The following UBA2 variants were observed in gnomAD, a reference collection of about 807,000 sequenced individuals.
UBA2 encodes ubiquitin like modifier activating enzyme 2.
UBA2 carries 11 observed loss-of-function variants against 77.2 expected under a neutral mutation model. That is an observed-to-expected ratio of 0.14 (90% CI 0.09 to 0.24). The LOEUF is 0.24. Among genes scored for constraint, UBA2 ranks in the 10% least tolerant of loss-of-function variants. The probability of loss-of-function intolerance (pLI) is 1.00; values close to 1 mark genes in which losing one functional copy is unlikely to be tolerated. For missense variants in UBA2, 487 were observed against 781.7 expected (o/e 0.62, Z 4.50); for synonymous variants, 278 against 276.7 (o/e 1.00, Z -0.05).
chr19:34,457,214 A>ATATATATATATATATAT (rs2075578002), intron 12 of UBA2, among the ~76,000 whole-genome samples: 18 of 134,474 alleles, frequency 1.3e-4, no homozygotes, highest in South Asian at 5.0e-4. Context: ...ATATATATAT[A>ATATATATATATATATAT]AAATTAGCTG....
intron 4 of UBA2, among the ~76,000 whole-genome samples, chr19:34,434,281 T>A (rs2075286739): frequency 6.6e-6 from 1 of 152,064 alleles, no homozygotes; most frequent in Non-Finnish European, 1.5e-5. Flanking sequence ...CGGCTAATTT[T>A]TTTATGTTTA....
intron 2 of UBA2, among the ~76,000 whole-genome samples, chr19:34,431,216 T>G (rs999569336): frequency 4.0e-5 from 6 of 151,530 alleles, no homozygotes; most frequent in Admixed American, 6.6e-5. Flanking sequence ...TAACAACCTT[T>G]ACTTTACTTT....
chr19:34,458,989 C>CCT lies in UBA2; in HGVS notation c.1401+65_1401+66insCT, dbSNP rs2075602758. 5 of 1,455,024 alleles carry CCT rather than the reference C, an allele frequency of 3.4e-6. No individual in the cohort carries two copies. The Admixed American group carries it at 1.1e-4, about 32-fold the overall frequency. 90.1% of individuals were successfully genotyped at this position (1,455,024 alleles called of 1,614,324 possible). Reference sequence around the variant, plus strand: ...CAGTATTACTGTGATGACAAACAAACACTAGCTGCTGATTCTGAAAAGGTC... The same window carrying CCT: ...CAGTATTACTGTGATGACAAACAAACCTACTAGCTGCTGATTCTGAAAAGGTC... On this transcript the variant is annotated intron_variant, in intron 13 of 16. Coordinates refer to ENST00000246548, the MANE Select transcript of UBA2 (RefSeq NM_005499.3).
chr19:34,434,931 C>T lies in UBA2; in HGVS notation c.422C>T (p.Thr141Ile). The T allele has an allele frequency of 6.2e-7, 1 of 1,609,734 alleles. No homozygotes were observed. The highest frequency in any genetic ancestry group is 8.5e-7 in the Non-Finnish European group (1 of 1,178,146). ...AADVPLIESG[T>I]AGYLGQVTTI... ...GATGTTCCTCTTATTGAAAGTGGAA[C>T]AGCTGGGTATCTTGGACAAGTAACT... Residue 141 changes from threonine (T) to isoleucine (I), a missense_variant, in exon 5 of 17, where the codon ACA becomes ATA. Physicochemically the swap from Thr to Ile is moderately conservative, Grantham distance 89. Coordinates refer to ENST00000246548, the MANE Select transcript of UBA2 (RefSeq NM_005499.3).
intron 10 of UBA2, among the ~76,000 whole-genome samples, chr19:34,453,648 C>T (rs992904980): frequency 2.0e-5 from 3 of 151,594 alleles, no homozygotes; most frequent in Admixed American, 6.6e-5. Flanking sequence ...CTCAGGCTCC[C>T]GAGTACCTGG....
intron 14 of UBA2, among the ~76,000 whole-genome samples, chr19:34,463,543 G>A (rs2075654908): frequency 6.6e-6 from 1 of 151,674 alleles, no homozygotes; most frequent in African/African-American, 2.4e-5. Flanking sequence ...CTCTAGGGGT[G>A]CACATCCCTG....
Position 34,431,926 on chromosome 19 carries a change from C to A in UBA2, c.288C>A (p.Ile96=). Residue 96 remains isoleucine, a synonymous_variant, in exon 3 of 17, where the codon ATC becomes ATA. Coordinates refer to ENST00000246548, the MANE Select transcript of UBA2 (RefSeq NM_005499.3). ...ATATCGTTGCCTACCATGACAGCATCATGAAGTATGCTATAGTGATTACAT... is the reference window on the plus strand; with the variant it reads ...ATATCGTTGCCTACCATGACAGCATAATGAAGTATGCTATAGTGATTACAT... The part of the protein sequence containing the change: ...KANIVAYHDS[I]MNPDYNVEFF... The A allele has an allele frequency of 6.2e-7, 1 of 1,608,428 alleles. No homozygotes were observed. The highest frequency in any genetic ancestry group is 8.5e-7 in the Non-Finnish European group (1 of 1,178,504).
At chr19:34,446,249 C>G (rs1022707214) in intron 8 of UBA2, among the ~76,000 whole-genome samples, 2 of 152,202 alleles carry the variant, frequency 1.3e-5, no homozygotes, top group African/African-American at 4.8e-5. Flanking sequence ...TCTTGCAACT[C>G]TCACTAAGCA....
At position 34,469,131 on chromosome 19, in the gene UBA2, G is replaced by A. The variant is rs1343996399; in HGVS notation, c.1833G>A (p.Lys611=). ...ADVSEEERSR[K]RKLDEKENLS... ...TCAGTGAAGAAGAGAGAAGCCGCAAGAGGAAATTAGATGAGAAAGAGAATC... is the reference window on the plus strand; with the variant it reads ...TCAGTGAAGAAGAGAGAAGCCGCAAAAGGAAATTAGATGAGAAAGAGAATC... The change falls in exon 17 of 17, where the codon AAG becomes AAA. Residue 611 remains lysine, a synonymous_variant. Coordinates refer to ENST00000246548, the MANE Select transcript of UBA2 (RefSeq NM_005499.3). 1.2e-6 allele frequency: 2 copies of A among 1,613,696 alleles called. No homozygotes were observed. The highest frequency in any genetic ancestry group is 1.7e-6 in the Non-Finnish European group (2 of 1,179,810).
intron 15 of UBA2, among the ~76,000 whole-genome samples, chr19:34,466,258 C>G (rs919729609): frequency 1.3e-5 from 2 of 152,008 alleles, no homozygotes; most frequent in Non-Finnish European, 2.9e-5. Flanking sequence ...AGCTTGAAAA[C>G]CTGGGAGGTA....
In UBA2 at chr19:34,450,361, C is replaced by A; in HGVS notation, c.868C>A (p.Gln290Lys). The A allele has an allele frequency of 6.3e-7, 1 of 1,596,482 alleles. No individual in the cohort carries two copies. The highest frequency in any genetic ancestry group is 1.1e-5 in the South Asian group (1 of 87,678). ...VPLDWAEVQS[Q>K]GEETNASDQQ... ...GTTGGACTGGGCTGAAGTACAAAGTCAAGGTAAAGAATACATTTTAGTCTT... is the reference window on the plus strand; with the variant it reads ...GTTGGACTGGGCTGAAGTACAAAGTAAAGGTAAAGAATACATTTTAGTCTT... Residue 290 changes from glutamine to lysine, a missense_variant, in exon 9 of 17, where the codon CAA becomes AAA. By Grantham distance (53) the Gln-to-Lys change is moderately conservative. Around this residue, in one of 9 missense-constraint regions of UBA2, gnomAD observed 300 missense variants for 454.3 expected, o/e 0.66. Transcript: ENST00000246548.
chr19:34,437,382 G>A (rs918397212), intron 5 of UBA2, among the ~76,000 whole-genome samples: 1 of 151,296 alleles, frequency 6.6e-6, no homozygotes, highest in African/African-American at 2.4e-5. Flanking sequence ...GGCCAAGGCG[G>A]GCGGATCACC....
rs764899986 is a variant in UBA2, at chr19:34,434,851, G to GT, written c.359-14dup. ...TTTTTTTTTCCCAAAAACTCATACT[G>GT]TTTGTTTTACTTCCAGCTGCCCGAA... On this transcript the variant is annotated splice_polypyrimidine_tract_variant and intron_variant, in intron 4 of 16. Coordinates refer to ENST00000246548, the MANE Select transcript of UBA2 (RefSeq NM_005499.3). 1.9e-6 allele frequency: 3 copies of GT among 1,579,714 alleles called. No individual in the cohort carries two copies. The African/African-American group carries it at 4.0e-5, about 21-fold the overall frequency.
chr19:34,444,333 G>A (rs575003954), intron 7 of UBA2, among the ~76,000 whole-genome samples: 1 of 151,916 alleles, frequency 6.6e-6, no homozygotes. Context: ...GCTGGGACAG[G>A]CGTAAGCAAC....
chr19:34,435,064 T>C (rs868099374), intron 5 of UBA2, 96 bp downstream of exon 5: 1 of 885,954 alleles, frequency 1.1e-6, no homozygotes, highest in Middle Eastern at 3.1e-4. Context: ...AATGAACAGG[T>C]GAACATCCAA....
At chr19:34,438,176 T>G (rs1175373912) in intron 5 of UBA2, among the ~76,000 whole-genome samples, 2 of 150,794 alleles carry the variant, frequency 1.3e-5, no homozygotes, top group Non-Finnish European at 2.9e-5. Flanking sequence ...TTTCAGGAGA[T>G]TATAAGGATA....
At chr19:34,450,414 C>G (rs761155964) in intron 9 of UBA2, 50 bp downstream of exon 9, 1 of 1,342,872 alleles carries the variant, frequency 7.4e-7, no homozygotes, top group African/African-American at 1.5e-5. Context: ...AATATCCTCG[C>G]GTAAAGTCTT....
chr19:34,460,554 G>A lies in UBA2; in HGVS notation c.1486G>A (p.Gly496Arg). 1 of 1,608,306 alleles carries A rather than the reference G, an allele frequency of 6.2e-7. No individual in the cohort carries two copies. Among genetic ancestry groups the A allele is most frequent in the Non-Finnish European group, 8.5e-7 (1 of 1,176,754 alleles). ...AACAATCCTAATATCTTCCGAAGAG[G>A]GAGAGACGGAAGGTATCATACATTG... is the stretch of plus-strand genomic sequence containing the variant. ...KGTILISSEEGETEANNHKKL... is the reference protein window; with the variant it reads ...KGTILISSEERETEANNHKKL... The change falls in exon 14 of 17, where the codon GGA becomes AGA. Residue 496 changes from glycine to arginine, a missense_variant. Transcript: ENST00000246548.
intron 7 of UBA2, 127 bp downstream of exon 7, chr19:34,444,038 TTTTTTG>T (rs2075399341): frequency 1.5e-5 from 6 of 403,152 alleles, no homozygotes; most frequent in Admixed American, 4.9e-5. Flanking sequence ...CATGTGTTTT[TTTTTTG>T]TTTTTTTTTT....
Sources: gnomAD v4.1 joint callset for allele counts (sites outside exome capture counted in the v4.1 genomes callset) on GRCh38, gnomAD v4.1.1 for gene constraint, gnomAD v4.1.1 regional missense constraint, MANE v1.5 for transcripts, NCBI Gene and HGNC (gene_info 2026-07-23, HGNC 2026-07-21) for gene names.